The following PISD variants were observed in gnomAD, a reference collection of about 807,000 sequenced individuals.
PISD encodes the protein phosphatidylserine decarboxylase proenzyme, mitochondrial.
In PISD, 31 loss-of-function variants were observed where a neutral mutation model predicts 43.5. That is an observed-to-expected ratio of 0.71 (90% CI 0.54 to 0.96). PISD has a LOEUF of 0.96. Among genes scored for constraint, PISD ranks in the 40% least tolerant of loss-of-function variants. PISD has a pLI of 0.00. For synonymous variants in PISD, 259 were observed against 228.7 expected, an observed-to-expected ratio of 1.13 and a Z score of -1.20; for missense variants, 523 against 548.4, an observed-to-expected ratio of 0.95 and a Z score of 0.46.
chr22:31,625,925 GGCCTCT>G (rs2072885395), intron 3 of PISD: 9 of 1,523,220 alleles, frequency 5.9e-6, no homozygotes, highest in Non-Finnish European at 7.9e-6. Context: ...ACTGCTCCAG[GGCCTCT>G]GCCTCTGCGA....
chr22:31,651,006 C>G (rs183316525), intron 1 of PISD, among the ~76,000 whole-genome samples: 1 of 152,248 alleles, frequency 6.6e-6, no homozygotes, highest in African/African-American at 2.4e-5. Context: ...CTCTGTCACC[C>G]AGGCTAGAGT....
intron 3 of PISD, among the ~76,000 whole-genome samples, chr22:31,644,651 A>G (rs2073833318): frequency 6.6e-6 from 1 of 152,248 alleles, no homozygotes; most frequent in Admixed American, 6.5e-5. Context: ...AGGTGGGATT[A>G]GGACCAGGCC....
intron 1 of PISD, 43 bp downstream of exon 1, chr22:31,662,101 A>G: frequency 6.4e-7 from 1 of 1,550,432 alleles, no homozygotes. Context: ...AGCTTGGTCC[A>G]GGTTGCCCCA....
At chr22:31,661,892 G>C (rs905214126) in intron 1 of PISD, among the ~76,000 whole-genome samples, 1 of 152,140 alleles carries the variant, frequency 6.6e-6, no homozygotes, top group African/African-American at 2.4e-5. Context: ...TATTTCATCT[G>C]ATTTTTGTCC....
Position 31,621,799 on chromosome 22 carries a change from G to A in PISD, c.408C>T (p.Arg136=), listed in dbSNP as rs1360234089. 1.2e-6 allele frequency: 2 copies of A among 1,613,680 alleles called. No homozygotes were observed. The highest frequency in any genetic ancestry group is 3.3e-5 in the Admixed American group (2 of 60,012). The change falls in exon 4 of 8, where the codon CGC becomes CGT. Residue 136 remains arginine, a synonymous_variant. Transcript: ENST00000439502. ...LNQVELPHWL[R]RPVYSLYIWT... The stretch of plus-strand genomic sequence containing the variant: ...AGATGTACAGGCTGTAGACGGGCCT[G>A]CGCAGCCAGTGTGGCAGCTCCACCT...
chr22:31,659,593 G>A (rs1202004038), intron 1 of PISD, among the ~76,000 whole-genome samples: 2 of 151,976 alleles, frequency 1.3e-5, no homozygotes, highest in African/African-American at 4.8e-5. Flanking sequence ...GGGCATATCT[G>A]GAATCTTTTT....
intron 3 of PISD, among the ~76,000 whole-genome samples, chr22:31,635,264 C>T (rs777727442): frequency 1.8e-4 from 27 of 152,206 alleles, no homozygotes; most frequent in Non-Finnish European, 3.7e-4. Context: ...GGCCATCCCT[C>T]GATTCCTTCC....
Position 31,619,552 on chromosome 22 carries a change from GA to G in PISD, c.*59del. On this transcript the variant is annotated 3_prime_UTR_variant, in exon 8 of 8. Transcript: ENST00000439502. ...GGATGGCCTCATGGGCCTCCCTCTT[GA>G]AAAGACCCTCACTCTGTTTGGAAAA... 2 of 1,454,460 alleles carry G rather than the reference GA, an allele frequency of 1.4e-6. No individual in the cohort carries two copies. Among genetic ancestry groups the G allele is most frequent in the African/African-American group, 2.8e-5 (2 of 71,866 alleles). The allele number at this position is 1,454,460 out of a possible 1,614,324, so 90.1% of individuals were successfully genotyped here.
chr22:31,630,166 G>C lies in PISD; in HGVS notation c.322-8281C>G, dbSNP rs555722732. ...GGTCCTCCCTGGGCGACATGGACCA[G>C]AGTCAGTGGCAGGCAGCCCAGGAGG... On this transcript the variant is annotated intron_variant, in intron 3 of 7. Transcript: ENST00000439502. The surrounding 1 kb of genome is among the most constrained non-coding windows in gnomAD (Gnocchi z 4.4). 2.6e-5 allele frequency among the ~76,000 whole-genome samples: 4 copies of C among 152,092 alleles called. No homozygotes were observed. The highest frequency in any genetic ancestry group is 5.9e-5 in the Non-Finnish European group (4 of 67,984).
chr22:31,637,321 C>G (rs1425030024), intron 3 of PISD, among the ~76,000 whole-genome samples: 1 of 148,530 alleles, frequency 6.7e-6, no homozygotes, highest in Non-Finnish European at 1.5e-5. Context: ...TGTGATCACA[C>G]CGCTACACTC....
In PISD at chr22:31,619,664, T is replaced by A. The variant is rs1168557076; in HGVS notation, c.1178A>T (p.Gln393Leu). The A allele has an allele frequency of 6.2e-7, 1 of 1,614,070 alleles. No individual in the cohort carries two copies. The highest frequency in any genetic ancestry group is 8.5e-7 in the Non-Finnish European group (1 of 1,180,042). Residue 393 changes from glutamine to leucine, a missense_variant, in exon 8 of 8, where the codon CAG (glutamine) becomes CTG (leucine). Physicochemically the swap from Gln to Leu is moderately radical, Grantham distance 113. Coordinates refer to ENST00000439502, the MANE Select transcript of PISD (RefSeq NM_001326411.2). Reference protein sequence around the residue: ...IFEAPKDFNFQLKTGQKIRFG... With the variant: ...IFEAPKDFNFLLKTGQKIRFG... ...GCGGATTTTCTGTCCTGTTTTCAGC[T>A]GGAAATTGAAGTCCTTGGGGGCCTC...
chr22:31,624,226 G>A (rs1254337581), intron 3 of PISD, among the ~76,000 whole-genome samples: 1 of 152,210 alleles, frequency 6.6e-6, no homozygotes, highest in East Asian at 1.9e-4. Context: ...AGGAAGGGGA[G>A]AGCAGGGTGT....
At chr22:31,660,190 A>G (rs1242306150) in intron 1 of PISD, among the ~76,000 whole-genome samples, 1 of 152,238 alleles carries the variant, frequency 6.6e-6, no homozygotes, top group Admixed American at 6.5e-5. Context: ...CTATCTTGAT[A>G]TAGAATACCT....
intron 1 of PISD, among the ~76,000 whole-genome samples, chr22:31,657,213 C>T (rs112202482): frequency 0.057 from 8,604 of 149,664 alleles, 324 homozygotes; most frequent in Middle Eastern, 0.16. Flanking sequence ...CTCAGCTCAC[C>T]GCAACCTCCG....
intron 2 of PISD, among the ~76,000 whole-genome samples, chr22:31,648,539 G>A (rs1008655399): frequency 3.3e-5 from 5 of 151,902 alleles, no homozygotes; most frequent in Admixed American, 6.6e-5. Flanking sequence ...GCACAGTGGC[G>A]GGCGCCTGTA....
At position 31,621,848 on chromosome 22, in the gene PISD, G is replaced by C. The variant is rs562135416; in HGVS notation, c.359C>G (p.Ser120Ter). 7 of 1,611,520 alleles carry C rather than the reference G, an allele frequency of 4.3e-6. No homozygotes were observed. The African/African-American group carries it at 8.0e-5, about 18-fold the overall frequency. ...LYKSVPTRLL[S>*]RAWGRLNQVE... ...CTGATTGAGGCGACCCCAGGCCCGT[G>C]ACAGCAAGCGCGTTGGCACTGACTT... The change falls in exon 4 of 8, where the codon TCA (serine) becomes TGA (stop). Residue 120 changes from serine to a stop codon, truncating the protein, a stop_gained. Coordinates refer to ENST00000439502, the MANE Select transcript of PISD (RefSeq NM_001326411.2). LOFTEE classifies it high-confidence loss of function.
intron 3 of PISD, among the ~76,000 whole-genome samples, chr22:31,623,480 C>T (rs952988494): frequency 1.3e-5 from 2 of 152,214 alleles, no homozygotes; most frequent in African/African-American, 4.8e-5. Flanking sequence ...GACATGCCCT[C>T]GCAGTCACCC....
intron 3 of PISD, chr22:31,638,376 C>G (rs1206104346): frequency 1.0e-6 from 1 of 985,436 alleles, no homozygotes; most frequent in Non-Finnish European, 1.2e-6. Context: ...CTCCACTTGA[C>G]CTAACTGCAA....
chr22:31,648,715 C>T (rs1353794643), intron 2 of PISD, among the ~76,000 whole-genome samples: 5 of 151,408 alleles, frequency 3.3e-5, no homozygotes, highest in Non-Finnish European at 1.5e-5. Context: ...GGACCCTCAA[C>T]ATATCTAGCA....
Sources: gnomAD v4.1 joint callset for allele counts (sites outside exome capture counted in the v4.1 genomes callset) on GRCh38, gnomAD v4.1.1 for gene constraint, Gnocchi (gnomAD v3.1) non-coding constraint, MANE v1.5 for transcripts, NCBI Gene and HGNC (gene_info 2026-07-23, HGNC 2026-07-21) for gene names.